Variants in PRTG observed in about 807,000 individuals in gnomAD.
PRTG encodes the protein immunoglobulin superfamily, DCC subclass, member 5.
Under a neutral mutation model 122.5 loss-of-function variants are expected in PRTG, and 67 were observed. That is an observed-to-expected ratio of 0.55 (90% CI 0.45 to 0.67). The LOEUF (loss-of-function observed/expected upper bound fraction) is 0.67, where lower values mean the gene tolerates loss of function less well. Among genes scored for constraint, PRTG ranks in the 30% least tolerant of loss-of-function variants. The pLI, the probability that PRTG is intolerant of heterozygous loss-of-function variation, is 0.00. For missense variants in PRTG, 1,435 were observed against 1,415.4 expected, an observed-to-expected ratio of 1.01 and a Z score of -0.22; for synonymous variants, 554 against 501.1, an observed-to-expected ratio of 1.11 and a Z score of -1.41.
In PRTG at chr15:55,677,876, G is replaced by A. The variant is rs773773166; in HGVS notation, c.1302C>T (p.Ala434=). The change falls in exon 8 of 20, where the codon GCC becomes GCT. Residue 434 remains alanine, a synonymous_variant. Coordinates refer to ENST00000389286, the MANE Select transcript of PRTG (RefSeq NM_173814.6). ...GTGGCCTCTCCCAGGCTAAAAGAAT[G>A]GCTGAGCTTGACATGGTTTCAGCAT... ...NVHAETMSSS[A]ILLAWERPLY... 1 of 1,613,836 alleles carries A rather than the reference G, an allele frequency of 6.2e-7. No homozygotes were observed. The highest frequency in any genetic ancestry group is 2.2e-5 in the East Asian group (1 of 44,866).
intron 11 of PRTG, among the ~76,000 whole-genome samples, chr15:55,661,891 T>C (rs1032335923): frequency 1.5e-5 from 1 of 67,790 alleles, no homozygotes; most frequent in Admixed American, 1.5e-4. Flanking sequence ...TCTTGCTTAA[T>C]ACTTAAAAAA....
At chr15:55,701,758 C>T (rs2059665095) in intron 2 of PRTG, among the ~76,000 whole-genome samples, 2 of 152,110 alleles carry the variant, frequency 1.3e-5, no homozygotes, top group Admixed American at 1.3e-4. Flanking sequence ...CAAAAAGCAG[C>T]AAACTACTGA....
At chr15:55,731,415 G>A (rs1338978904) in intron 2 of PRTG, among the ~76,000 whole-genome samples, 5 of 134,864 alleles carry the variant, frequency 3.7e-5, no homozygotes, top group South Asian at 2.3e-4. Context: ...CTGTCGCCCA[G>A]GTTGGAGTAC....
At chr15:55,730,282 A>G (rs901966195) in intron 2 of PRTG, among the ~76,000 whole-genome samples, 1 of 151,936 alleles carries the variant, frequency 6.6e-6, no homozygotes, top group Non-Finnish European at 1.5e-5. Context: ...TTGTATTTTT[A>G]GTAGAGACAG....
chr15:55,708,148 TAAAAAAAAA>T (rs35216342), intron 2 of PRTG, among the ~76,000 whole-genome samples: 3 of 70,034 alleles, frequency 4.3e-5, no homozygotes, highest in East Asian at 4.8e-4. Flanking sequence ...AGTAAGCTGG[TAAAAAAAAA>T]AAAAAAAAAA....
At chr15:55,726,118 T>A (rs1344587149) in intron 2 of PRTG, among the ~76,000 whole-genome samples, 2 of 152,154 alleles carry the variant, frequency 1.3e-5, no homozygotes, top group African/African-American at 4.8e-5. Context: ...AATTTTTGTA[T>A]TTTTAGTCGA....
At chr15:55,706,212 T>G (rs2030109244) in intron 2 of PRTG, among the ~76,000 whole-genome samples, 1 of 151,746 alleles carries the variant, frequency 6.6e-6, no homozygotes, top group Non-Finnish European at 1.5e-5. Context: ...ACTACACTGT[T>G]AAGTCTCTCC....
intron 11 of PRTG, among the ~76,000 whole-genome samples, chr15:55,652,703 G>A (rs1198891692): frequency 6.6e-6 from 1 of 152,132 alleles, no homozygotes; most frequent in Non-Finnish European, 1.5e-5. Context: ...CGAGTGAAAC[G>A]CTACGATAAA....
rs916088402 is a variant in PRTG, at chr15:55,742,846, G to C, written c.86C>G (p.Pro29Arg). The change falls in exon 1 of 20, where the codon CCT (proline) becomes CGT (arginine). Residue 29 changes from proline to arginine, a missense_variant. Transcript: ENST00000389286. ...RALLLLLLLS[P>R]LPGVWCFSEL... is the part of the protein sequence containing the mutation. ...GAAGAAAGCGCGCCCACCTGGCAAA[G>C]GACTGAGCAGCAGCAGGAGCAGGAG... 16 of 1,541,012 alleles carry C rather than the reference G, an allele frequency of 1.0e-5. No individual in the cohort carries two copies. The highest frequency in any genetic ancestry group is 5.3e-6 in the Non-Finnish European group (6 of 1,142,316).
chr15:55,698,533 C>T (rs2059644045), intron 2 of PRTG, among the ~76,000 whole-genome samples: 1 of 152,102 alleles, frequency 6.6e-6, no homozygotes, highest in Non-Finnish European at 1.5e-5. Flanking sequence ...TCATGCAATC[C>T]TCCTGCCTCA....
chr15:55,738,956 G>GGA (rs1456929683), intron 2 of PRTG, among the ~76,000 whole-genome samples: 12 of 150,596 alleles, frequency 8.0e-5, no homozygotes, highest in Admixed American at 5.3e-4. Flanking sequence ...GAGAGGGAGG[G>GGA]GAGAGAGAGG....
At chr15:55,651,858 A>C (rs1567084028) in intron 11 of PRTG, among the ~76,000 whole-genome samples, 1 of 152,190 alleles carries the variant, frequency 6.6e-6, no homozygotes, top group African/African-American at 2.4e-5. Context: ...CTCCACCTCC[A>C]ACACTATTTC....
At chr15:55,720,658 G>A (rs1328315201) in intron 2 of PRTG, among the ~76,000 whole-genome samples, 1 of 152,078 alleles carries the variant, frequency 6.6e-6, no homozygotes, top group Non-Finnish European at 1.5e-5. Flanking sequence ...TGCTCATCCT[G>A]CTCCATCCAC....
In PRTG at chr15:55,613,930, G is replaced by C. The variant is rs1247429662; in HGVS notation, c.*6082C>G. 2 of 152,042 alleles carry C rather than the reference G, an allele frequency of 1.3e-5. No homozygotes were observed. Among genetic ancestry groups the C allele is most frequent in the African/African-American group, 4.8e-5 (2 of 41,420 alleles). 9.4% of individuals were successfully genotyped at this position (152,042 alleles called of 1,614,324 possible). A position where few individuals can be genotyped will look rare whatever the true frequency, so the allele number is the denominator to read the frequency against. ...AATCCCTAAAATGCGGATAATACTT[G>C]CTTTACAGAATGTAGCAGCAGTTTG... On this transcript the variant is annotated 3_prime_UTR_variant, in exon 20 of 20. Transcript: ENST00000389286.
intron 2 of PRTG, among the ~76,000 whole-genome samples, chr15:55,720,601 G>C (rs1595675880): frequency 1.3e-5 from 2 of 151,968 alleles, no homozygotes; most frequent in African/African-American, 4.8e-5. Context: ...TGTTTCTTTT[G>C]GTTGTCCTAG....
At chr15:55,663,269 C>A (rs563519727) in intron 11 of PRTG, among the ~76,000 whole-genome samples, 2 of 152,120 alleles carry the variant, frequency 1.3e-5, no homozygotes, top group Non-Finnish European at 2.9e-5. Context: ...ACAGTCTTAG[C>A]GGGCTGGAGA....
intron 11 of PRTG, among the ~76,000 whole-genome samples, chr15:55,656,839 T>C (rs1162599449): frequency 6.6e-6 from 1 of 152,226 alleles, no homozygotes; most frequent in Non-Finnish European, 1.5e-5. Flanking sequence ...TTTATCTCTT[T>C]TTGTCTATAT....
At chr15:55,683,982 T>C (rs1257336566) in intron 2 of PRTG, 51 bp from the exon 3 acceptor site, 2 of 1,503,056 alleles carry the variant, frequency 1.3e-6, no homozygotes, top group Admixed American at 1.7e-5. Context: ...AAATAACACT[T>C]AGAAGTAACA....
intron 2 of PRTG, among the ~76,000 whole-genome samples, chr15:55,699,566 T>A (rs1281548782): frequency 1.3e-5 from 2 of 152,228 alleles, no homozygotes; most frequent in Non-Finnish European, 2.9e-5. Context: ...CAAATTCTCT[T>A]ATATTATTTT....
Sources: allele counts gnomAD v4.1 joint callset (sites outside exome capture counted in the v4.1 genomes callset), GRCh38; gene constraint gnomAD v4.1.1; transcripts MANE v1.5; gene names NCBI Gene and HGNC (gene_info 2026-07-23, HGNC 2026-07-21).